Variants in KCNQ5 observed in about 807,000 individuals in gnomAD.
KCNQ5 encodes potassium voltage-gated channel subfamily KQT member 5.
In KCNQ5, 30 loss-of-function variants were observed where a neutral mutation model predicts 98.2. The observed-to-expected ratio is 0.31, with a 90% confidence interval of 0.23 to 0.41. The LOEUF is 0.41. KCNQ5 is among the 10% of genes least tolerant of loss of function. KCNQ5 has a pLI of 1.00. For missense variants in KCNQ5, 835 were observed against 1,182.5 expected (o/e 0.71, Z 4.31); for synonymous variants, 458 against 449.4 (o/e 1.02, Z -0.24).
chr6:72,622,115 A>G lies in KCNQ5; in HGVS notation c.-75A>G. Reference sequence around the variant, plus strand: ...GTCGGCCGCCGGCTTCCTCCTTGAAACCCGCCGGCGCACATGAGGCCGCTG... The same window carrying G: ...GTCGGCCGCCGGCTTCCTCCTTGAAGCCCGCCGGCGCACATGAGGCCGCTG... On this transcript the variant is annotated 5_prime_UTR_variant, in exon 1 of 14. Transcript: ENST00000370398. The surrounding 1 kb of genome is among the most constrained non-coding windows in gnomAD (Gnocchi z 6.0). 8.4e-7 allele frequency: 1 copy of G among 1,185,546 alleles called. No homozygotes were observed. Among genetic ancestry groups the G allele is most frequent in the Non-Finnish European group, 1.0e-6 (1 of 953,942 alleles). The allele number at this position is 1,185,546 out of a possible 1,614,324, so 73.4% of individuals were successfully genotyped here. A position where few individuals can be genotyped will look rare whatever the true frequency, so the allele number is the denominator to read the frequency against.
intron 1 of KCNQ5, among the ~76,000 whole-genome samples, chr6:72,655,688 C>T (rs991202460): frequency 4.6e-5 from 7 of 152,012 alleles, no homozygotes; most frequent in Non-Finnish European, 8.8e-5. Flanking sequence ...AGGAATATGT[C>T]GGGACATACT....
chr6:73,125,208 T>C (rs1775928353), intron 9 of KCNQ5, among the ~76,000 whole-genome samples: 1 of 151,508 alleles, frequency 6.6e-6, no homozygotes, highest in Admixed American at 6.6e-5. Context: ...CCCCAAATAA[T>C]TTATTATCAG....
chr6:72,871,091 A>G (rs1283640934), intron 1 of KCNQ5, among the ~76,000 whole-genome samples: 2 of 152,172 alleles, frequency 1.3e-5, no homozygotes, highest in Non-Finnish European at 2.9e-5. Flanking sequence ...CCTGTTGAGC[A>G]TCCTCTATGC....
intron 3 of KCNQ5, among the ~76,000 whole-genome samples, chr6:73,046,599 C>CTTTATTTTAT (rs1221352203): frequency 5.5e-5 from 4 of 72,398 alleles, no homozygotes; most frequent in Non-Finnish European, 5.6e-5. Flanking sequence ...TTTTACTTTA[C>CTTTATTTTAT]TTTATTTTAT....
In KCNQ5 at chr6:72,641,298, A is replaced by G. The variant is rs565116025; in HGVS notation, c.398+18711A>G. The stretch of plus-strand genomic sequence containing the variant: ...GTTACATGAGGAATCCAAAATCATC[A>G]TCAGCATCACACACACACACAAAAA... On this transcript the variant is annotated intron_variant, in intron 1 of 13. Coordinates refer to ENST00000370398, the MANE Select transcript of KCNQ5 (RefSeq NM_019842.4). 1.3e-3 allele frequency among the ~76,000 whole-genome samples: 193 copies of G among 152,268 alleles called. 2 individuals are homozygous for G. The highest frequency in any genetic ancestry group is 6.6e-3 in the South Asian group (32 of 4,822).
chr6:73,057,526 A>C (rs1441280465), intron 3 of KCNQ5, among the ~76,000 whole-genome samples: 6 of 152,100 alleles, frequency 3.9e-5, no homozygotes, highest in African/African-American at 9.7e-5. Flanking sequence ...AATAAAATAC[A>C]TAGAAATACA....
rs542286051 is a variant in KCNQ5 at position 72,626,472 on chromosome 6, C to G, written c.398+3885C>G. ...GGGTGGTAGAGCAAAAGGCAAATCA[C>G]CAATCTGTTGGATAGATTCTGATGC... On this transcript the variant is annotated intron_variant, in intron 1 of 13. Coordinates refer to ENST00000370398, the MANE Select transcript of KCNQ5 (RefSeq NM_019842.4). Among the ~76,000 whole-genome samples, 4 of 152,288 alleles carry G rather than the reference C, an allele frequency of 2.6e-5. No homozygotes were observed. In the East Asian group the frequency reaches 7.7e-4, roughly 29 times the overall value.
At chr6:72,690,892 AAAAAT>A (rs1227676076) in intron 1 of KCNQ5, among the ~76,000 whole-genome samples, 2 of 152,052 alleles carry the variant, frequency 1.3e-5, no homozygotes, top group Non-Finnish European at 2.9e-5. Context: ...TAAGAATTAT[AAAAAT>A]AATGAAAATT....
chr6:73,036,697 A>C (rs1196293018), intron 2 of KCNQ5, among the ~76,000 whole-genome samples: 1 of 152,170 alleles, frequency 6.6e-6, no homozygotes, highest in Non-Finnish European at 1.5e-5. Context: ...TTTATTATTG[A>C]GTAGCATTCC....
At chr6:73,057,849 T>A (rs548546984) in intron 3 of KCNQ5, among the ~76,000 whole-genome samples, 3 of 152,332 alleles carry the variant, frequency 2.0e-5, no homozygotes, top group South Asian at 4.1e-4. Context: ...GACTTCAATC[T>A]ATATTACAAG....
intron 1 of KCNQ5, among the ~76,000 whole-genome samples, chr6:72,728,916 A>T (rs2154475686): frequency 6.6e-6 from 1 of 152,328 alleles, no homozygotes; most frequent in Middle Eastern, 3.4e-3. Flanking sequence ...GCATATTTTA[A>T]TGACCCAAGC....
intron 1 of KCNQ5, among the ~76,000 whole-genome samples, chr6:72,814,074 A>G (rs1236082277): frequency 2.0e-5 from 3 of 152,162 alleles, no homozygotes; most frequent in Admixed American, 6.5e-5. Flanking sequence ...CAGGACTTCT[A>G]TGAGAGCAAG....
chr6:73,168,247 C>A (rs1777878136), intron 10 of KCNQ5, among the ~76,000 whole-genome samples: 1 of 152,192 alleles, frequency 6.6e-6, no homozygotes, highest in Non-Finnish European at 1.5e-5. Flanking sequence ...GAATGAACCT[C>A]CAATAGCCTT....
intron 1 of KCNQ5, among the ~76,000 whole-genome samples, chr6:72,902,513 C>T (rs1581987235): frequency 6.6e-6 from 1 of 151,986 alleles, no homozygotes; most frequent in African/African-American, 2.4e-5. Context: ...TGAAGTATGT[C>T]CTGTATGTGC....
intron 3 of KCNQ5, among the ~76,000 whole-genome samples, chr6:73,051,153 C>T (rs1404929732): frequency 2.0e-5 from 3 of 152,156 alleles, no homozygotes; most frequent in Admixed American, 6.5e-5. Context: ...ATAGAAATGC[C>T]AATGCAAACA....
At chr6:72,987,782 C>T (rs1768867532) in intron 1 of KCNQ5, 3 of 431,218 alleles carry the variant, frequency 7.0e-6, no homozygotes, top group South Asian at 2.7e-5. Context: ...AAAACTGCCA[C>T]AATTGCTTTG....
intron 1 of KCNQ5, among the ~76,000 whole-genome samples, chr6:72,784,159 G>C (rs1040555264): frequency 6.6e-6 from 1 of 152,046 alleles, no homozygotes; most frequent in Admixed American, 6.6e-5. Flanking sequence ...GCCAAGTGCT[G>C]TGATGGACAC....
chr6:72,686,974 A>G (rs1472700391), intron 1 of KCNQ5, among the ~76,000 whole-genome samples: 2 of 152,174 alleles, frequency 1.3e-5, no homozygotes, highest in African/African-American at 4.8e-5. Flanking sequence ...GATTTTTGTC[A>G]CTGTAAACAT....
chr6:73,004,648 C>A (rs1443092251), intron 2 of KCNQ5, among the ~76,000 whole-genome samples: 1 of 152,168 alleles, frequency 6.6e-6, no homozygotes, highest in Admixed American at 6.5e-5. Context: ...GCCTTTTAAG[C>A]TCTCATACTT....
Sources: allele counts gnomAD v4.1 joint callset (sites outside exome capture counted in the v4.1 genomes callset), GRCh38; gene constraint gnomAD v4.1.1; non-coding constraint Gnocchi (gnomAD v3.1); transcripts MANE v1.5; gene names NCBI Gene and HGNC (gene_info 2026-07-23, HGNC 2026-07-21).